The following SKOR1 variants were observed in gnomAD, a reference collection of about 807,000 sequenced individuals.
SKOR1 encodes LBX1 corepressor 1.
SKOR1 carries 38 observed loss-of-function variants against 72.4 expected under a neutral mutation model. That is an observed-to-expected ratio of 0.52 (90% CI 0.40 to 0.69). The LOEUF is 0.69. Ranked by LOEUF, SKOR1 falls within the 30% of genes least tolerant of loss-of-function variation. SKOR1 has a pLI of 0.00. For synonymous variants in SKOR1, 642 were observed against 599.4 expected (o/e 1.07, Z -1.04); for missense variants, 1,320 against 1,343.2 (o/e 0.98, Z 0.27).
chr15:67,831,903 C>CCGGGGGGGGGGGGGGGGGGGGGG, intron 5 of SKOR1, among the ~76,000 whole-genome samples: 1 of 28,756 alleles, frequency 3.5e-5, no homozygotes, highest in African/African-American at 2.7e-4. Flanking sequence ...GGCGGCGGTG[C>CCGGGGGGGGGGGGGGGGGGGGGG]GGGGGGGGGA....
rs781021068 is a variant in SKOR1 at position 67,827,381 on chromosome 15, C to A, written c.1553C>A (p.Ala518Glu). 1.9e-6 allele frequency: 3 copies of A among 1,549,022 alleles called. No homozygotes were observed. The highest frequency in any genetic ancestry group is 2.6e-6 in the Non-Finnish European group (3 of 1,156,672). ...SQAKAVAAAV[A>E]AAAAAAAAAA... ...GCCAAGGCCGTGGCGGCAGCCGTGG[C>A]GGCGGCAGCGGCGGCGGCAGCGGCA... The change falls in exon 2 of 9, where the codon GCG becomes GAG. Residue 518 changes from alanine (A) to glutamate (E), a missense_variant. This residue lies in a region of SKOR1 where 1,099 missense variants were observed against 1,025.5 expected (regional missense o/e 1.07). Transcript: ENST00000380035.
Position 67,828,129 on chromosome 15 carries a change from C to A in SKOR1, c.2301C>A (p.Gly767=), listed in dbSNP as rs1013140037. 24 of 1,488,694 alleles carry A rather than the reference C, an allele frequency of 1.6e-5. No individual in the cohort carries two copies. Among genetic ancestry groups the A allele is most frequent in the Non-Finnish European group, 2.1e-5 (24 of 1,128,038 alleles). The allele number at this position is 1,488,694 out of a possible 1,614,324, so 92.2% of individuals were successfully genotyped here. ...ELREPCGPLG[G]PAPAKVFAPE... is the part of the protein sequence containing the mutation. Reference sequence around the variant, plus strand: ...GAGAGCCTTGCGGGCCCCTAGGAGGCCCCGCGCCGGCCAAGGTGAGCCCCG... The same window carrying A: ...GAGAGCCTTGCGGGCCCCTAGGAGGACCCGCGCCGGCCAAGGTGAGCCCCG... The change falls in exon 2 of 9, where the codon GGC becomes GGA. Residue 767 remains glycine (G), a synonymous_variant. Transcript: ENST00000380035.
chr15:67,829,123 C>T lies in SKOR1; in HGVS notation c.2317-56C>T, dbSNP rs924924299. 22 of 1,467,244 alleles carry T rather than the reference C, an allele frequency of 1.5e-5. No homozygotes were observed. The African/African-American group carries it at 1.8e-4, about 12-fold the overall frequency. The allele number at this position is 1,467,244 out of a possible 1,614,324, so 90.9% of individuals were successfully genotyped here. A position where few individuals can be genotyped will look rare whatever the true frequency, so the allele number is the denominator to read the frequency against. On this transcript the variant is annotated intron_variant, in intron 2 of 8. Transcript: ENST00000380035. ...TTGGCCGCGGGGTAGGGCTGGGCGT[C>T]TTTGGGCCGCCGCAGGGCGCCACCC...
At position 67,832,486 on chromosome 15, in the gene SKOR1, G is replaced by A. The variant is rs1206271162; in HGVS notation, c.2663-121G>A. The A allele has an allele frequency of 1.5e-6, 2 of 1,315,788 alleles. No homozygotes were observed. The highest frequency in any genetic ancestry group is 2.3e-5 in the East Asian group (1 of 43,112). 81.5% of individuals were successfully genotyped at this position (1,315,788 alleles called of 1,614,324 possible). ...AGACAAGAAACTGTCCTTTTCCAGG[G>A]CTGCAGGCGAATGGCTGGGTGGGAG... On this transcript the variant is annotated intron_variant, in intron 6 of 8. Coordinates refer to ENST00000380035, the MANE Select transcript of SKOR1 (RefSeq NM_001365915.1). The surrounding 1 kb of genome is among the most constrained non-coding windows in gnomAD (Gnocchi z 4.5).
intron 3 of SKOR1, among the ~76,000 whole-genome samples, chr15:67,829,886 G>C (rs2090995282): frequency 6.6e-6 from 1 of 152,184 alleles, no homozygotes; most frequent in Non-Finnish European, 1.5e-5. Flanking sequence ...GGCCACGCGC[G>C]CTCGCGGTGC....
chr15:67,832,672 A>T lies in SKOR1; in HGVS notation c.2728A>T (p.Ile910Phe). The change falls in exon 7 of 9, where the codon ATT becomes TTT. Residue 910 changes from isoleucine to phenylalanine, a missense_variant. By Grantham distance (21) the Ile-to-Phe change is conservative. This residue lies in a region of SKOR1 where 1,099 missense variants were observed against 1,025.5 expected (regional missense o/e 1.07). Transcript: ENST00000380035. This position sits in a 1 kb window ranked among gnomAD's most constrained non-coding sequence, Gnocchi z 4.5. ...YREEMVQQLQ[I>F]VRDTLCNELD... ...AGAAGAAATGGTGCAACAGCTGCAA[A>T]TTGTCAGAGGTAAGACGGGAGTCAG... 1 of 1,614,012 alleles carries T rather than the reference A, an allele frequency of 6.2e-7. No homozygotes were observed. The highest frequency in any genetic ancestry group is 1.7e-4 in the Middle Eastern group (1 of 6,058).
chr15:67,831,928 C>A, intron 5 of SKOR1, among the ~76,000 whole-genome samples: 1 of 18,244 alleles, frequency 5.5e-5, no homozygotes, highest in South Asian at 2.1e-3. Flanking sequence ...GGGGCCGGGG[C>A]GGGGGCGGGG....
At position 67,827,652 on chromosome 15, in the gene SKOR1, C is replaced by A. The variant is rs1189251083; in HGVS notation, c.1824C>A (p.Leu608=). 1.3e-6 allele frequency: 2 copies of A among 1,533,024 alleles called. No homozygotes were observed. Among genetic ancestry groups the A allele is most frequent in the Non-Finnish European group, 1.7e-6 (2 of 1,143,758 alleles). 95.0% of individuals were successfully genotyped at this position (1,533,024 alleles called of 1,614,324 possible). A position where few individuals can be genotyped will look rare whatever the true frequency, so the allele number is the denominator to read the frequency against. The change falls in exon 2 of 9, where the codon CTC becomes CTA. Residue 608 remains leucine (L), a synonymous_variant. Transcript: ENST00000380035. ...AGGACACCGAGAGCATCGCTAAGCT[C>A]TACGGGAGCGCCCGGGAGGCGTACG... ...VVKDTESIAK[L]YGSAREAYGA...
chr15:67,832,478 T>A lies in SKOR1; in HGVS notation c.2663-129T>A. 3 of 1,331,114 alleles carry A rather than the reference T, an allele frequency of 2.3e-6. No homozygotes were observed. Among genetic ancestry groups the A allele is most frequent in the Non-Finnish European group, 3.2e-6 (3 of 939,492 alleles). 82.5% of individuals were successfully genotyped at this position (1,331,114 alleles called of 1,614,324 possible). On this transcript the variant is annotated intron_variant, in intron 6 of 8. Transcript: ENST00000380035. This position sits in a 1 kb window ranked among gnomAD's most constrained non-coding sequence, Gnocchi z 4.5. The stretch of plus-strand genomic sequence containing the variant: ...CCTGCAGGAGACAAGAAACTGTCCT[T>A]TTCCAGGGCTGCAGGCGAATGGCTG...
Position 67,826,833 on chromosome 15 carries a change from GCCT to G in SKOR1, c.1008_1010del (p.Pro337del). On this transcript the variant is annotated inframe_deletion, in exon 2 of 9. Coordinates refer to ENST00000380035, the MANE Select transcript of SKOR1 (RefSeq NM_001365915.1). ...GCTGTGGCGAAGATGAGGCTGCCGG[GCCT>G]CCGGGGCCACCTCCACCCCACCCGC... 2 of 1,523,444 alleles carry G rather than the reference GCCT, an allele frequency of 1.3e-6. No individual in the cohort carries two copies. The highest frequency in any genetic ancestry group is 1.8e-6 in the Non-Finnish European group (2 of 1,138,058). 94.4% of individuals were successfully genotyped at this position (1,523,444 alleles called of 1,614,324 possible).
rs1360609737 is a variant in SKOR1, at chr15:67,827,440, G to T, written c.1612G>T (p.Gly538Cys). Reference sequence around the variant, plus strand: ...CAGCGGTGCCCCAGAGCCCCTGGACGGTGCCGAGCCAGCCAAAGAGAGTGG... The same window carrying T: ...CAGCGGTGCCCCAGAGCCCCTGGACTGTGCCGAGCCAGCCAAAGAGAGTGG... ...AGSGAPEPLD[G>C]AEPAKESGLG... is the part of the protein sequence containing the mutation. Residue 538 changes from glycine (G) to cysteine (C), a missense_variant, in exon 2 of 9, where the codon GGT becomes TGT. By Grantham distance (159) the Gly-to-Cys change is radical. Around this residue, in one of 3 missense-constraint regions of SKOR1, gnomAD observed 1,099 missense variants for 1,025.5 expected, o/e 1.07. Transcript: ENST00000380035. 1.3e-6 allele frequency: 2 copies of T among 1,522,346 alleles called. No individual in the cohort carries two copies. Among genetic ancestry groups the T allele is most frequent in the East Asian group, 2.5e-5 (1 of 39,388 alleles). The allele number at this position is 1,522,346 out of a possible 1,614,324, so 94.3% of individuals were successfully genotyped here.
intron 5 of SKOR1, 70 bp downstream of exon 5, chr15:67,830,959 T>G (rs1440280224): frequency 1.4e-6 from 2 of 1,478,520 alleles, no homozygotes; most frequent in Non-Finnish European, 1.9e-6. Flanking sequence ...TAGAGGGGTG[T>G]TATCCCTGTA....
In SKOR1 at chr15:67,832,939, C is replaced by G; in HGVS notation, c.2738-253C>G. On this transcript the variant is annotated intron_variant, in intron 7 of 8. Coordinates refer to ENST00000380035, the MANE Select transcript of SKOR1 (RefSeq NM_001365915.1). The surrounding 1 kb of genome is among the most constrained non-coding windows in gnomAD (Gnocchi z 4.5). Reference sequence around the variant, plus strand: ...ATGGTTTCTAAATTAAAAATCGAGGCGTAAAATTACCTGGGAAGTAATGCC... The same window carrying G: ...ATGGTTTCTAAATTAAAAATCGAGGGGTAAAATTACCTGGGAAGTAATGCC... The G allele has an allele frequency of 1.7e-6, 1 of 596,974 alleles. No homozygotes were observed. The highest frequency in any genetic ancestry group is 3.0e-6 in the Non-Finnish European group (1 of 337,262). The allele number at this position is 596,974 out of a possible 1,614,324, so 37.0% of individuals were successfully genotyped here.
Position 67,828,045 on chromosome 15 carries a change from A to C in SKOR1, c.2217A>C (p.Glu739Asp), listed in dbSNP as rs1407099415. 1.9e-6 allele frequency: 3 copies of C among 1,539,074 alleles called. No homozygotes were observed. The highest frequency in any genetic ancestry group is 2.0e-5 in the Admixed American group (1 of 50,568). The change falls in exon 2 of 9, where the codon GAA (glutamate) becomes GAC (aspartate). Residue 739 changes from glutamate (E) to aspartate (D), a missense_variant. Glu to Asp is a conservative substitution (Grantham distance 45). Coordinates refer to ENST00000380035, the MANE Select transcript of SKOR1 (RefSeq NM_001365915.1). ...CCGCATTTGGGGACTTGGCAGCCGA[A>C]GACTTGGTGCGGAGACCTGAGAGGA... is the stretch of plus-strand genomic sequence containing the variant. ...GRPAFGDLAA[E>D]DLVRRPERSP... is the part of the protein sequence containing the mutation.
Position 67,832,893 on chromosome 15 carries a change from C to G in SKOR1, c.2737+212C>G, listed in dbSNP as rs2091019605. 5 of 599,988 alleles carry G rather than the reference C, an allele frequency of 8.3e-6. No homozygotes were observed. Among genetic ancestry groups the G allele is most frequent in the African/African-American group, 3.7e-5 (2 of 53,854 alleles). 37.2% of individuals were successfully genotyped at this position (599,988 alleles called of 1,614,324 possible). On this transcript the variant is annotated intron_variant, in intron 7 of 8. Transcript: ENST00000380035. The surrounding 1 kb of genome is among the most constrained non-coding windows in gnomAD (Gnocchi z 4.5). ...GGCATCATTACATGGAGTGATTGAA[C>G]TTCTTATCGCGGCAATTTCCATGGT... is the stretch of plus-strand genomic sequence containing the variant.
chr15:67,834,432 A>C lies in SKOR1; in HGVS notation c.*596A>C, dbSNP rs1221843745. 1.3e-5 allele frequency: 2 copies of C among 156,586 alleles called. No homozygotes were observed. Among genetic ancestry groups the C allele is most frequent in the Admixed American group, 1.2e-4 (2 of 16,498 alleles). The allele number at this position is 156,586 out of a possible 1,614,324, so 9.7% of individuals were successfully genotyped here. ...TTTGCTTTGGCTATTTTTTGTTGTA[A>C]CCTCTTGATGTAACAGCACTTTAAA... On this transcript the variant is annotated 3_prime_UTR_variant, in exon 9 of 9. Coordinates refer to ENST00000380035, the MANE Select transcript of SKOR1 (RefSeq NM_001365915.1). This position sits in a 1 kb window ranked among gnomAD's most constrained non-coding sequence, Gnocchi z 5.8.
chr15:67,826,980 C>T lies in SKOR1; in HGVS notation c.1152C>T (p.Leu384=). 3 of 1,596,106 alleles carry T rather than the reference C, an allele frequency of 1.9e-6. No individual in the cohort carries two copies. Among genetic ancestry groups the T allele is most frequent in the South Asian group, 1.1e-5 (1 of 90,784 alleles). The change falls in exon 2 of 9, where the codon CTC becomes CTT. Residue 384 remains leucine, a synonymous_variant. Transcript: ENST00000380035. ...VIPVPSKGFG[L]LQKLPPPLFP... is the part of the protein sequence containing the mutation. The stretch of plus-strand genomic sequence containing the variant: ...CGGTGCCCAGCAAAGGCTTTGGGCT[C>T]CTGCAAAAGCTGCCCCCACCACTTT...
In SKOR1 at chr15:67,833,989, C is replaced by A. The variant is rs3803521; in HGVS notation, c.*153C>A. On this transcript the variant is annotated 3_prime_UTR_variant, in exon 9 of 9. Coordinates refer to ENST00000380035, the MANE Select transcript of SKOR1 (RefSeq NM_001365915.1). This position sits in a 1 kb window ranked among gnomAD's most constrained non-coding sequence, Gnocchi z 6.0. ...CCCGCCTTCCTCCCGGGCTCCCCGG[C>A]CTTGCCCGCCCCCTCCCGGGCGTCC... 1,458 of 827,778 alleles carry A rather than the reference C, an allele frequency of 1.8e-3. 23 individuals carry two copies. The East Asian group carries it at 0.033, about 19-fold the overall frequency. The allele number at this position is 827,778 out of a possible 1,614,324, so 51.3% of individuals were successfully genotyped here.
At position 67,832,469 on chromosome 15, in the gene SKOR1, A is replaced by T. The variant is rs1263467608; in HGVS notation, c.2662+121A>T. On this transcript the variant is annotated intron_variant, in intron 6 of 8. Coordinates refer to ENST00000380035, the MANE Select transcript of SKOR1 (RefSeq NM_001365915.1). The surrounding 1 kb of genome is among the most constrained non-coding windows in gnomAD (Gnocchi z 4.5). ...ACTAGGTGCCCTGCAGGAGACAAGAAACTGTCCTTTTCCAGGGCTGCAGGC... is the reference window on the plus strand; with the variant it reads ...ACTAGGTGCCCTGCAGGAGACAAGATACTGTCCTTTTCCAGGGCTGCAGGC... 4.4e-6 allele frequency: 6 copies of T among 1,350,256 alleles called. No individual in the cohort carries two copies. The Admixed American group carries it at 7.1e-5, about 16-fold the overall frequency. 83.6% of individuals were successfully genotyped at this position (1,350,256 alleles called of 1,614,324 possible).
Sources: gnomAD v4.1 joint callset for allele counts (sites outside exome capture counted in the v4.1 genomes callset) on GRCh38, gnomAD v4.1.1 for gene constraint, gnomAD v4.1.1 regional missense constraint, Gnocchi (gnomAD v3.1) non-coding constraint, MANE v1.5 for transcripts, NCBI Gene and HGNC (gene_info 2026-07-23, HGNC 2026-07-21) for gene names.